The following BRD10 variants were observed in gnomAD, a reference collection of about 807,000 sequenced individuals.
The protein encoded by BRD10 is uncharacterized bromodomain-containing protein 10.
At chr9:5,945,384 G>A in the BRD10 span, among the ~76,000 whole-genome samples, 1 of 152,044 alleles carries the variant, frequency 6.6e-6, no homozygotes, top group Non-Finnish European at 1.5e-5. Flanking sequence ...TTATACCTTT[G>A]CCTTGGTTTG....
the BRD10 span, among the ~76,000 whole-genome samples, chr9:5,958,591 A>G: frequency 6.6e-6 from 1 of 152,170 alleles, no homozygotes; most frequent in African/African-American, 2.4e-5. Flanking sequence ...GTTCGAGGCC[A>G]GGTGGGCAAC....
chr9:5,993,830 A>C, the BRD10 span, among the ~76,000 whole-genome samples: 3 of 152,246 alleles, frequency 2.0e-5, no homozygotes, highest in African/African-American at 7.2e-5. Flanking sequence ...ACAAGGGTAG[A>C]AAATGCATTT....
the BRD10 span, among the ~76,000 whole-genome samples, chr9:5,890,604 A>G: frequency 8.7e-4 from 132 of 152,288 alleles, no homozygotes; most frequent in African/African-American, 3.0e-3. Context: ...ATGAATTTTA[A>G]ATCATTATAA....
At chr9:5,960,685 G>A in the BRD10 span, among the ~76,000 whole-genome samples, 10 of 152,076 alleles carry the variant, frequency 6.6e-5, no homozygotes, top group Non-Finnish European at 5.9e-5. Flanking sequence ...TAATGCGTCT[G>A]TAATCTTTTT....
chr9:5,954,709 C>G, the BRD10 span, among the ~76,000 whole-genome samples: 2 of 152,124 alleles, frequency 1.3e-5, no homozygotes, highest in African/African-American at 4.8e-5. Flanking sequence ...AAAAATAAAC[C>G]TCATACTTAG....
the BRD10 span, among the ~76,000 whole-genome samples, chr9:5,984,128 G>GA: frequency 6.6e-6 from 1 of 152,070 alleles, no homozygotes; most frequent in East Asian, 1.9e-4. Context: ...TTAGACAGTA[G>GA]AAAAATGATA....
the BRD10 span, chr9:5,929,262 C>T: frequency 6.5e-5 from 38 of 586,906 alleles, no homozygotes; most frequent in Admixed American, 7.8e-4. Context: ...TCCATAAAAA[C>T]GTATTTCTTC....
the BRD10 span, among the ~76,000 whole-genome samples, chr9:5,948,865 T>C: frequency 1.3e-4 from 20 of 152,226 alleles, no homozygotes; most frequent in East Asian, 3.5e-3. Flanking sequence ...TAAACTAAAA[T>C]TATAATGGCA....
At chr9:5,924,411 G>A in the BRD10 span, among the ~76,000 whole-genome samples, 1 of 151,832 alleles carries the variant, frequency 6.6e-6, no homozygotes, top group Admixed American at 6.6e-5. Flanking sequence ...TTGAATAGCT[G>A]GGACTACAGG....
At chr9:5,975,427 G>A in the BRD10 span, among the ~76,000 whole-genome samples, 1 of 86,324 alleles carries the variant, frequency 1.2e-5, no homozygotes. Context: ...CAACAAGAGT[G>A]AAACTCCATC....
chr9:5,990,308 T>G, the BRD10 span, among the ~76,000 whole-genome samples: 1 of 152,246 alleles, frequency 6.6e-6, no homozygotes, highest in Non-Finnish European at 1.5e-5. Context: ...TAATTTTAAC[T>G]ACTTCTTCAA....
the BRD10 span, among the ~76,000 whole-genome samples, chr9:5,972,318 T>A: frequency 3.9e-5 from 6 of 152,096 alleles, no homozygotes; most frequent in African/African-American, 1.4e-4. Flanking sequence ...TTATAAAAAA[T>A]GACAAAGCAG....
chr9:5,918,765 C>T, the BRD10 span, among the ~76,000 whole-genome samples: 1 of 138,540 alleles, frequency 7.2e-6, no homozygotes, highest in Non-Finnish European at 1.5e-5. Flanking sequence ...GTGGAGGTTG[C>T]AGTGAGCTGA....
chr9:5,952,455 T>G, the BRD10 span, among the ~76,000 whole-genome samples: 1 of 152,174 alleles, frequency 6.6e-6, no homozygotes, highest in East Asian at 1.9e-4. Context: ...TATATGTGAG[T>G]GTACATATTC....
At chr9:5,915,586 C>G in the BRD10 span, among the ~76,000 whole-genome samples, 1 of 152,166 alleles carries the variant, frequency 6.6e-6, no homozygotes, top group African/African-American at 2.4e-5. Context: ...GCTGTGTTCC[C>G]TACATGCTCC....
the BRD10 span, among the ~76,000 whole-genome samples, chr9:5,961,182 A>G: frequency 6.6e-6 from 1 of 152,218 alleles, no homozygotes; most frequent in African/African-American, 2.4e-5. Context: ...TATAGAATAG[A>G]GAGGAGACAA....
the BRD10 span, among the ~76,000 whole-genome samples, chr9:6,002,953 G>A: frequency 6.6e-6 from 1 of 152,086 alleles, no homozygotes; most frequent in South Asian, 2.1e-4. Flanking sequence ...CCTAAGTGCC[G>A]GGATTACAGG....
At chr9:5,906,789 T>G in the BRD10 span, 3 of 727,550 alleles carry the variant, frequency 4.1e-6, no homozygotes, top group Non-Finnish European at 6.7e-6. Flanking sequence ...GAACCTAGAT[T>G]AAAACTCATT....
the BRD10 span, among the ~76,000 whole-genome samples, chr9:5,897,058 A>C: frequency 6.6e-6 from 1 of 152,204 alleles, no homozygotes; most frequent in Non-Finnish European, 1.5e-5. Flanking sequence ...CTTCTGTGAA[A>C]ATAGGGGATG....
Sources: allele counts gnomAD v4.1 joint callset (sites outside exome capture counted in the v4.1 genomes callset), GRCh38; gene constraint gnomAD v4.1.1; transcripts MANE v1.5; gene names NCBI Gene and HGNC (gene_info 2026-07-23, HGNC 2026-07-21).